EPB41L2: variants seen among roughly 807,000 people sequenced by gnomAD.
The protein encoded by EPB41L2 is band 4.1-like protein 2.
Under a neutral mutation model 113.0 loss-of-function variants are expected in EPB41L2, and 43 were observed. That is an observed-to-expected ratio of 0.38 (90% CI 0.30 to 0.49). EPB41L2 has a LOEUF of 0.49. EPB41L2 is among the 20% of genes least tolerant of loss of function. The pLI, the probability that EPB41L2 is intolerant of heterozygous loss-of-function variation, is 0.95. For synonymous variants in EPB41L2, 442 were observed against 436.7 expected, an observed-to-expected ratio of 1.01 and a Z score of -0.15; for missense variants, 1,147 against 1,223.4, an observed-to-expected ratio of 0.94 and a Z score of 0.93.
chr6:130,944,158 T>TAC (rs1392716079), intron 3 of EPB41L2, among the ~76,000 whole-genome samples: 2,114 of 146,426 alleles, frequency 0.014, 65 homozygotes, highest in African/African-American at 0.051. Flanking sequence ...TATATATACG[T>TAC]ACATACACAC....
At chr6:130,896,051 C>T (rs1160579309) in intron 8 of EPB41L2, among the ~76,000 whole-genome samples, 5 of 152,100 alleles carry the variant, frequency 3.3e-5, no homozygotes, top group African/African-American at 9.7e-5. Context: ...ACAAACAATA[C>T]GAAACAAATT....
intron 6 of EPB41L2, among the ~76,000 whole-genome samples, chr6:130,903,908 T>C (rs913632305): frequency 6.6e-6 from 1 of 152,206 alleles, no homozygotes; most frequent in Admixed American, 6.5e-5. Context: ...CTAAACAGAA[T>C]CCTTTCTTTG....
Position 130,944,483 on chromosome 6 carries a change from A to T in EPB41L2, c.705+10622T>A, listed in dbSNP as rs963345503. Reference sequence around the variant, plus strand: ...AACATCAGCATGAGAAAAATCAAACAATACAAGAGTTTAGCAGTTGTTCAA... The same window carrying T: ...AACATCAGCATGAGAAAAATCAAACTATACAAGAGTTTAGCAGTTGTTCAA... On this transcript the variant is annotated intron_variant, in intron 3 of 19. Transcript: ENST00000337057. Among the ~76,000 whole-genome samples the T allele has an allele frequency of 4.6e-5, 7 of 152,180 alleles. No homozygotes were observed. The South Asian group carries it at 1.2e-3, about 27-fold the overall frequency.
chr6:131,045,786 A>C (rs921122075), intron 1 of EPB41L2, among the ~76,000 whole-genome samples: 2 of 152,228 alleles, frequency 1.3e-5, no homozygotes, highest in African/African-American at 4.8e-5. Context: ...ACCATTAAAA[A>C]TCACTGGCAA....
chr6:130,922,860 C>T (rs890988504), intron 4 of EPB41L2, among the ~76,000 whole-genome samples: 1 of 152,076 alleles, frequency 6.6e-6, no homozygotes, highest in Non-Finnish European at 1.5e-5. Context: ...ATAAAGCTAC[C>T]CCATGCACCC....
chr6:130,869,935 G>A lies in EPB41L2; in HGVS notation c.2235C>T (p.Ser745=), dbSNP rs761843423. 6.2e-7 allele frequency: 1 copy of A among 1,610,040 alleles called. No individual in the cohort carries two copies. The highest frequency in any genetic ancestry group is 8.5e-7 in the Non-Finnish European group (1 of 1,178,888). Residue 745 remains serine (S), a synonymous_variant, in exon 15 of 20, where the codon AGC becomes AGT. Coordinates refer to ENST00000337057, the MANE Select transcript of EPB41L2 (RefSeq NM_001431.4). ...CCACGTCTTCCTCCTCACTCTCACT[G>A]CTGCTGCTGCTGCTCTCAGAAGACA... ...TSLSSESSSS[S]SESEEEDVGE...
chr6:130,867,739 T>TA (rs1784257269), intron 15 of EPB41L2, 158 bp from the exon 16 acceptor site: 1 of 953,224 alleles, frequency 1.0e-6, no homozygotes, highest in African/African-American at 1.7e-5. Context: ...ACAAAAGAAA[T>TA]AAAAGAAAAA....
At chr6:131,039,606 G>A (rs549476753) in intron 1 of EPB41L2, among the ~76,000 whole-genome samples, 73 of 152,132 alleles carry the variant, frequency 4.8e-4, no homozygotes, top group Middle Eastern at 3.4e-3. Flanking sequence ...TCTGTGCCAC[G>A]GTCAATGGAG....
intron 3 of EPB41L2, 89 bp downstream of exon 3, chr6:130,955,016 C>A (rs1816920067): frequency 4.3e-6 from 5 of 1,158,228 alleles, no homozygotes; most frequent in East Asian, 4.7e-5. Context: ...AACTGGCTTA[C>A]AGGAACTTAA....
chr6:130,856,093 T>A (rs1450482692), intron 19 of EPB41L2, among the ~76,000 whole-genome samples: 1 of 152,192 alleles, frequency 6.6e-6, no homozygotes, highest in Non-Finnish European at 1.5e-5. Flanking sequence ...TGGCTACTTA[T>A]GTAGGAAACT....
intron 5 of EPB41L2, 60 bp from the exon 6 acceptor site, chr6:130,904,600 A>G: frequency 8.3e-7 from 1 of 1,198,698 alleles, no homozygotes; most frequent in Non-Finnish European, 1.2e-6. Flanking sequence ...CTATTGTGAT[A>G]AAATTTAAAG....
intron 5 of EPB41L2, among the ~76,000 whole-genome samples, chr6:130,905,457 C>T (rs541636845): frequency 3.3e-5 from 5 of 150,108 alleles, no homozygotes; most frequent in East Asian, 2.0e-4. Context: ...CTCACTCTGT[C>T]GCCCAGGTTG....
At chr6:130,945,818 GT>G (rs1401408999) in intron 3 of EPB41L2, among the ~76,000 whole-genome samples, 9 of 151,914 alleles carry the variant, frequency 5.9e-5, no homozygotes, top group Non-Finnish European at 1.2e-4. Context: ...AAACCTTATT[GT>G]TTTTTTCCCC....
At chr6:130,854,889 G>A (rs1189799157) in intron 19 of EPB41L2, among the ~76,000 whole-genome samples, 3 of 152,128 alleles carry the variant, frequency 2.0e-5, no homozygotes, top group Non-Finnish European at 4.4e-5. Flanking sequence ...AAAACCATTA[G>A]GAGCCAGGCG....
intron 8 of EPB41L2, among the ~76,000 whole-genome samples, chr6:130,898,601 C>A (rs1041822009): frequency 6.6e-6 from 1 of 152,110 alleles, no homozygotes; most frequent in African/African-American, 2.4e-5. Flanking sequence ...TAGCGATGTG[C>A]GCTTACACAT....
At chr6:130,899,860 C>T (rs1482590812) in intron 7 of EPB41L2, among the ~76,000 whole-genome samples, 1 of 152,020 alleles carries the variant, frequency 6.6e-6, no homozygotes. Context: ...GAAAAAAGCC[C>T]CAGCAATAGT....
At chr6:130,858,581 CAG>C (rs1160507750) in intron 18 of EPB41L2, among the ~76,000 whole-genome samples, 7 of 144,296 alleles carry the variant, frequency 4.9e-5, no homozygotes, top group African/African-American at 1.7e-4. Context: ...GAGACTAATG[CAG>C]AGTTGTAACG....
At chr6:130,870,264 G>A (rs551266992) in intron 14 of EPB41L2, 138 bp from the exon 15 acceptor site, 159 of 1,538,386 alleles carry the variant, frequency 1.0e-4, no homozygotes, top group Middle Eastern at 8.4e-4. Context: ...AAAGGGAAGC[G>A]GGGCAAACGT....
intron 1 of EPB41L2, among the ~76,000 whole-genome samples, chr6:130,989,195 C>G (rs1447725285): frequency 6.6e-6 from 1 of 152,162 alleles, no homozygotes; most frequent in Admixed American, 6.5e-5. Flanking sequence ...CATTAAGTGC[C>G]AGACAATTGT....
Sources: gnomAD v4.1 joint callset for allele counts (sites outside exome capture counted in the v4.1 genomes callset) on GRCh38, gnomAD v4.1.1 for gene constraint, MANE v1.5 for transcripts, NCBI Gene and HGNC (gene_info 2026-07-23, HGNC 2026-07-21) for gene names.